The following RNF14 variants were observed in gnomAD, a reference collection of about 807,000 sequenced individuals.
The protein encoded by RNF14 is ring finger protein 14, also known as E3 ubiquitin-protein ligase RNF14.
A neutral mutation model predicts 52.6 loss-of-function variants in RNF14; 26 were observed. The observed-to-expected ratio is 0.49, with a 90% CI of 0.36 to 0.69. RNF14 has a LOEUF of 0.69. Among genes scored for constraint, RNF14 ranks in the 30% least tolerant of loss-of-function variants. RNF14 has a pLI of 0.00. For synonymous variants in RNF14, 194 were observed against 202.0 expected, an observed-to-expected ratio of 0.96 and a Z score of 0.34; for missense variants, 404 against 560.4, an observed-to-expected ratio of 0.72 and a Z score of 2.82.
intron 6 of RNF14, among the ~76,000 whole-genome samples, chr5:141,980,953 G>A (rs945601123): frequency 1.3e-5 from 2 of 152,144 alleles, no homozygotes; most frequent in African/African-American, 2.4e-5. Flanking sequence ...ATGGCACTTC[G>A]GAAAGCTACC....
chr5:141,975,709 G>A (rs531018854), intron 4 of RNF14, among the ~76,000 whole-genome samples: 97 of 152,242 alleles, frequency 6.4e-4, no homozygotes, highest in Non-Finnish European at 1.0e-3. Context: ...ATAGACTAAT[G>A]TGTATTAAGA....
chr5:141,987,602 G>C (rs1331402275), intron 8 of RNF14, 131 bp from the exon 9 acceptor site: 2 of 852,376 alleles, frequency 2.3e-6, no homozygotes, highest in South Asian at 3.1e-5. Context: ...GCCCTCCTCA[G>C]TGCAATGATT....
At chr5:141,976,456 G>A (rs1754262723) in intron 4 of RNF14, among the ~76,000 whole-genome samples, 1 of 152,204 alleles carries the variant, frequency 6.6e-6, no homozygotes. Context: ...GTTGTTTTAT[G>A]TGTTACAGCT....
rs180884159 is a variant in RNF14 at position 141,973,996 on chromosome 5, C to A, written c.154+254C>A. On this transcript the variant is annotated intron_variant, in intron 3 of 8. Transcript: ENST00000394520. ...CCTGGTCTGCTAACTAGCAGTTTAT[C>A]AGCCATGAGTCATTGGCTGTTACAT... is the stretch of plus-strand genomic sequence containing the variant. 8.5e-4 allele frequency among the ~76,000 whole-genome samples: 129 copies of A among 152,336 alleles called. No individual in the cohort carries two copies. The East Asian group carries it at 0.021, about 25-fold the overall frequency.
At chr5:141,978,014 G>A (rs1596687449) in intron 4 of RNF14, among the ~76,000 whole-genome samples, 1 of 152,192 alleles carries the variant, frequency 6.6e-6, no homozygotes, top group East Asian at 1.9e-4. Context: ...TGGCTAAAAT[G>A]TACAGCTATT....
Position 141,988,081 on chromosome 5 carries a change from AT to A in RNF14, c.*295del. The A allele has an allele frequency of 3.2e-6, 1 of 311,782 alleles. No homozygotes were observed. Among genetic ancestry groups the A allele is most frequent in the Non-Finnish European group, 6.0e-6 (1 of 166,812 alleles). The allele number at this position is 311,782 out of a possible 1,614,324, so 19.3% of individuals were successfully genotyped here. A position where few individuals can be genotyped will look rare whatever the true frequency, so the allele number is the denominator to read the frequency against. On this transcript the variant is annotated 3_prime_UTR_variant, in exon 9 of 9. Transcript: ENST00000394520. ...CTGAATAGTTAAAAATTAAATATTT[AT>A]TTTCTTCCCCAAGCTTTAGGTAAGG...
chr5:141,979,685 G>A (rs1349945446), intron 5 of RNF14, among the ~76,000 whole-genome samples: 2 of 152,138 alleles, frequency 1.3e-5, no homozygotes, highest in African/African-American at 4.8e-5. Context: ...ATCGCTTGAG[G>A]CTAGGGGTTT....
chr5:141,951,550 A>C, the RNF14 span: 1 of 1,614,176 alleles, frequency 6.2e-7, no homozygotes, highest in African/African-American at 1.3e-5. Context: ...TTTGGGCTGG[A>C]ATTGGCCCTG....
Position 141,989,429 on chromosome 5 carries a change from C to T in RNF14, c.*1639C>T, listed in dbSNP as rs901464776. 2.0e-5 allele frequency: 3 copies of T among 152,248 alleles called. No homozygotes were observed. Among genetic ancestry groups the T allele is most frequent in the African/African-American group, 7.2e-5 (3 of 41,458 alleles). The allele number at this position is 152,248 out of a possible 1,614,324, so 9.4% of individuals were successfully genotyped here. A position where few individuals can be genotyped will look rare whatever the true frequency, so the allele number is the denominator to read the frequency against. On this transcript the variant is annotated 3_prime_UTR_variant, in exon 9 of 9. Coordinates refer to ENST00000394520, the MANE Select transcript of RNF14 (RefSeq NM_004290.5). ...GGTTAATTTGCTGGGCACAGTGGCT[C>T]ACGCCTGTAATCCCAGCACTTTGGG...
chr5:141,964,494 A>AG (rs1364504809), upstream of RNF14, among the ~76,000 whole-genome samples: 1 of 152,240 alleles, frequency 6.6e-6, no homozygotes, highest in Non-Finnish European at 1.5e-5. Flanking sequence ...GGTTTAGCTT[A>AG]GTTAACATAC....
chr5:141,972,442 T>C (rs1226250248), intron 2 of RNF14, among the ~76,000 whole-genome samples: 1 of 152,026 alleles, frequency 6.6e-6, no homozygotes, highest in Non-Finnish European at 1.5e-5. Context: ...CGGGCCACTA[T>C]TGGGTATCTA....
chr5:141,958,963 A>C (rs1272983702), intron 1 of RNF14: 1 of 152,296 alleles, frequency 6.6e-6, no homozygotes, highest in Non-Finnish European at 1.5e-5. Flanking sequence ...GCCCTGGGGC[A>C]GTCCCTGCCC....
intron 7 of RNF14, 100 bp from the exon 8 acceptor site, chr5:141,984,703 G>A: frequency 9.4e-7 from 1 of 1,065,482 alleles, no homozygotes; most frequent in Admixed American, 1.9e-5. Context: ...ATAAGAAAAG[G>A]GAGAGGACCA....
chr5:141,954,836 T>C, upstream of RNF14: 1 of 1,193,626 alleles, frequency 8.4e-7, no homozygotes, highest in Non-Finnish European at 1.2e-6. Context: ...CCTGAACCAT[T>C]GCTACCCAAA....
upstream of RNF14, chr5:141,958,015 C>T (rs1362297378): frequency 8.9e-6 from 7 of 782,906 alleles, no homozygotes; most frequent in African/African-American, 1.2e-4. Flanking sequence ...CAAGCAGGAC[C>T]CCAAGGCAAG....
At chr5:141,954,892 G>C (rs1187137943), upstream of RNF14, 1 of 1,505,192 alleles carries the variant, frequency 6.6e-7, no homozygotes, top group Non-Finnish European at 8.9e-7. Flanking sequence ...CATGAGGACT[G>C]TGCAGGTTAT....
upstream of RNF14, chr5:141,956,130 T>G (rs1753179357): frequency 6.2e-7 from 1 of 1,614,168 alleles, no homozygotes; most frequent in Non-Finnish European, 8.5e-7. Flanking sequence ...AGAGGCTGGC[T>G]TTTCCATCGC....
At position 141,980,138 on chromosome 5, in the gene RNF14, G is replaced by A; in HGVS notation, c.850G>A (p.Glu284Lys). The part of the protein sequence containing the change: ...ATPGQVKELV[E>K]AELFARYDRL... ...TTCCCTCCAGGTCAAAGAGTTAGTG[G>A]AAGCAGAGTTATTTGCCCGTTATGA... is the stretch of plus-strand genomic sequence containing the variant. Residue 284 changes from glutamate to lysine, a missense_variant, in exon 6 of 9, where the codon GAA (glutamate) becomes AAA (lysine). Transcript: ENST00000394520. 1 of 1,614,092 alleles carries A rather than the reference G, an allele frequency of 6.2e-7. No individual in the cohort carries two copies. The highest frequency in any genetic ancestry group is 8.5e-7 in the Non-Finnish European group (1 of 1,179,970).
upstream of RNF14, among the ~76,000 whole-genome samples, chr5:141,963,426 A>C (rs115947118): frequency 5.7e-3 from 864 of 151,014 alleles, 4 homozygotes; most frequent in Admixed American, 8.4e-3. Context: ...GAATTTGAAA[A>C]TCTATTAGTA....
Sources: gnomAD v4.1 joint callset for allele counts (sites outside exome capture counted in the v4.1 genomes callset) on GRCh38, gnomAD v4.1.1 for gene constraint, MANE v1.5 for transcripts, NCBI Gene and HGNC (gene_info 2026-07-23, HGNC 2026-07-21) for gene names.